The following FHIT variants were observed in gnomAD, a reference collection of about 807,000 sequenced individuals.
FHIT encodes fragile histidine triad diadenosine triphosphatase.
FHIT carries 19 observed loss-of-function variants against 17.9 expected under a neutral mutation model. The observed-to-expected ratio is 1.06, with a 90% confidence interval of 0.74 to 1.56. FHIT has a LOEUF of 1.56. FHIT is among the 40% of genes most tolerant of loss of function. The pLI, the probability that FHIT is intolerant of heterozygous loss-of-function variation, is 0.00. For synonymous variants in FHIT, 81 were observed against 69.7 expected, an observed-to-expected ratio of 1.16 and a Z score of -0.81; for missense variants, 248 against 189.2, an observed-to-expected ratio of 1.31 and a Z score of -1.82.
At chr3:60,470,433 G>C (rs1454354338) in intron 5 of FHIT, among the ~76,000 whole-genome samples, 2 of 151,980 alleles carry the variant, frequency 1.3e-5, no homozygotes, top group Non-Finnish European at 2.9e-5. Flanking sequence ...ATAAGACAAA[G>C]TCCTTTCTGC....
intron 4 of FHIT, among the ~76,000 whole-genome samples, chr3:60,724,646 T>TG (rs1329271093): frequency 2.0e-4 from 29 of 144,788 alleles, no homozygotes; most frequent in African/African-American, 6.9e-4. Context: ...ATTAACTGTC[T>TG]GTTTTTTTTT....
intron 3 of FHIT, among the ~76,000 whole-genome samples, chr3:60,955,610 A>ATATATATATATATACATATATATATATG (rs1709093399): frequency 7.6e-5 from 1 of 13,118 alleles, no homozygotes; most frequent in Non-Finnish European, 1.8e-4. Context: ...ATATATATAT[A>ATATATATATATATACATATATATATATG]TATATATATA....
intron 5 of FHIT, among the ~76,000 whole-genome samples, chr3:60,421,430 T>C (rs1304877316): frequency 6.6e-6 from 1 of 152,118 alleles, no homozygotes; most frequent in Non-Finnish European, 1.5e-5. Context: ...GCACAGATGT[T>C]TTCAGATCAT....
intron 5 of FHIT, among the ~76,000 whole-genome samples, chr3:60,097,326 A>G (rs879170768): frequency 6.6e-6 from 1 of 152,148 alleles, no homozygotes; most frequent in Admixed American, 6.5e-5. Flanking sequence ...GGGTCTAAAT[A>G]AAATGAGCTG....
chr3:60,337,475 G>C (rs775009693), intron 5 of FHIT, among the ~76,000 whole-genome samples: 24 of 152,304 alleles, frequency 1.6e-4, no homozygotes, highest in Non-Finnish European at 2.1e-4. Context: ...GATGCTTAAT[G>C]ATGCAATCAT....
At chr3:60,952,488 C>G (rs373885109) in intron 3 of FHIT, among the ~76,000 whole-genome samples, 1 of 152,128 alleles carries the variant, frequency 6.6e-6, no homozygotes, top group Non-Finnish European at 1.5e-5. Context: ...CAGTACTATT[C>G]CAGGAGAAGG....
chr3:60,167,086 CATCAG>C (rs1701209062), intron 5 of FHIT, among the ~76,000 whole-genome samples: 1 of 152,164 alleles, frequency 6.6e-6, no homozygotes, highest in Admixed American at 6.5e-5. Flanking sequence ...TCTTCACTTT[CATCAG>C]ATTTCTGCTC....
At chr3:60,490,291 C>T (rs1418536951) in intron 5 of FHIT, among the ~76,000 whole-genome samples, 1 of 151,886 alleles carries the variant, frequency 6.6e-6, no homozygotes, top group Non-Finnish European at 1.5e-5. Context: ...CATTAGACAT[C>T]GTTACTGCTT....
chr3:60,442,186 C>T (rs959896349), intron 5 of FHIT, among the ~76,000 whole-genome samples: 36 of 152,046 alleles, frequency 2.4e-4, no homozygotes, highest in Admixed American at 8.5e-4. Context: ...GAATGTCATT[C>T]TCTTTTTTGA....
intron 4 of FHIT, among the ~76,000 whole-genome samples, chr3:60,689,596 T>C (rs190379151): frequency 6.6e-6 from 1 of 152,266 alleles, no homozygotes; most frequent in Admixed American, 6.5e-5. Context: ...CACATTCTTT[T>C]CTCTCTCCAT....
intron 4 of FHIT, among the ~76,000 whole-genome samples, chr3:60,559,969 CAG>C (rs2036879039): frequency 6.6e-6 from 1 of 152,076 alleles, no homozygotes; most frequent in Non-Finnish European, 1.5e-5. Flanking sequence ...GGGGAAAGGC[CAG>C]AGCCCTAAGT....
intron 2 of FHIT, among the ~76,000 whole-genome samples, chr3:61,146,438 A>G (rs915074047): frequency 6.6e-6 from 1 of 152,000 alleles, no homozygotes; most frequent in African/African-American, 2.4e-5. Flanking sequence ...ACACAACCTA[A>G]TTTGGACTAT....
intron 4 of FHIT, among the ~76,000 whole-genome samples, chr3:60,807,082 G>C (rs1162944827): frequency 2.0e-5 from 3 of 152,138 alleles, no homozygotes; most frequent in Non-Finnish European, 4.4e-5. Flanking sequence ...ATCAGTTGAA[G>C]TATTGCCAAG....
intron 3 of FHIT, among the ~76,000 whole-genome samples, chr3:60,947,236 C>T (rs535256729): frequency 6.6e-6 from 1 of 152,248 alleles, no homozygotes; most frequent in South Asian, 2.1e-4. Context: ...AGCCTCCTCT[C>T]AGACTAAATT....
chr3:60,229,669 T>C (rs1029996853), intron 5 of FHIT, among the ~76,000 whole-genome samples: 2 of 152,092 alleles, frequency 1.3e-5, no homozygotes, highest in Admixed American at 1.3e-4. Context: ...TAGATGAACT[T>C]TTGAGAGTTT....
At chr3:59,754,241 G>A (rs1349492664) in intron 8 of FHIT, among the ~76,000 whole-genome samples, 1 of 152,148 alleles carries the variant, frequency 6.6e-6, no homozygotes, top group East Asian at 1.9e-4. Flanking sequence ...AGGCTCATTA[G>A]CATATAACCG....
chr3:60,698,487 C>T (rs781979301), intron 4 of FHIT, among the ~76,000 whole-genome samples: 6 of 152,110 alleles, frequency 3.9e-5, no homozygotes, highest in Non-Finnish European at 5.9e-5. Context: ...ACCTCACCCC[C>T]AAACAAACCG....
At chr3:59,940,896 G>C (rs1446080345) in intron 7 of FHIT, among the ~76,000 whole-genome samples, 2 of 152,120 alleles carry the variant, frequency 1.3e-5, no homozygotes, top group African/African-American at 4.8e-5. Context: ...TACTTCCATA[G>C]AGAGGACTTC....
chr3:60,507,700 T>C (rs556936807), intron 5 of FHIT, among the ~76,000 whole-genome samples: 1 of 152,254 alleles, frequency 6.6e-6, no homozygotes, highest in South Asian at 2.1e-4. Flanking sequence ...AGCCCCAGTA[T>C]ACATTGTTTC....
Sources: allele counts gnomAD v4.1 joint callset (sites outside exome capture counted in the v4.1 genomes callset), GRCh38; gene constraint gnomAD v4.1.1; transcripts MANE v1.5; gene names NCBI Gene and HGNC (gene_info 2026-07-23, HGNC 2026-07-21).